ST7L: variants seen among roughly 807,000 people sequenced by gnomAD.
The protein encoded by ST7L is suppression of tumorigenicity 7 like.
A neutral mutation model predicts 72.5 loss-of-function variants in ST7L; 57 were observed. That is an observed-to-expected ratio of 0.79 (90% confidence interval 0.64 to 0.98). The LOEUF (loss-of-function observed/expected upper bound fraction) is 0.98. Among genes scored for constraint, ST7L ranks in the 50% least tolerant of loss-of-function variants. The pLI is 0.00. For missense variants in ST7L, 576 were observed against 672.2 expected (o/e 0.86, Z 1.58); for synonymous variants, 221 against 240.9 (o/e 0.92, Z 0.77).
intron 9 of ST7L, among the ~76,000 whole-genome samples, chr1:112,580,892 C>T (rs1664002288): frequency 6.6e-6 from 1 of 152,194 alleles, no homozygotes. Flanking sequence ...TGCACCACTG[C>T]ACTCCCGCCC....
chr1:112,540,306 C>T (rs904667968), intron 14 of ST7L: 2 of 985,292 alleles, frequency 2.0e-6, no homozygotes, highest in Admixed American at 6.2e-5. Flanking sequence ...CATTTTCTTT[C>T]CAGCTATTAA....
rs555634106 is a variant in ST7L at position 112,588,766 on chromosome 1, TTAA to T, written c.701+2756_701+2758del. Among the ~76,000 whole-genome samples the T allele has an allele frequency of 2.0e-3, 312 of 152,370 alleles. 1 individual carries two copies. The highest frequency in any genetic ancestry group is 3.4e-3 in the Non-Finnish European group (228 of 68,048). The stretch of plus-strand genomic sequence containing the variant: ...CACTTGGTCAGGGTGTATAACATTT[TTAA>T]TATGCTGCTGTATTTGGAGTGCTCT... On this transcript the variant is annotated intron_variant, in intron 6 of 14. Coordinates refer to ENST00000358039, the MANE Select transcript of ST7L (RefSeq NM_017744.5).
intron 13 of ST7L, among the ~76,000 whole-genome samples, chr1:112,547,459 CTGGG>C (rs1657281330): frequency 6.7e-6 from 1 of 150,326 alleles, no homozygotes; most frequent in African/African-American, 2.4e-5. Context: ...TCCCAAAGTT[CTGGG>C]ATTACAGGCG....
At position 112,591,530 on chromosome 1, in the gene ST7L, G is replaced by A. The variant is rs570894912; in HGVS notation, c.696C>T (p.Asn232=). The change falls in exon 6 of 15, where the codon AAC becomes AAT. Residue 232 remains asparagine (N), a synonymous_variant. Coordinates refer to ENST00000358039, the MANE Select transcript of ST7L (RefSeq NM_017744.5). ...TCCATATATTTCAAACTTACTCATTGTTTAATTCTAAAGCTTGATAGGCTG... is the reference window on the plus strand; with the variant it reads ...TCCATATATTTCAAACTTACTCATTATTTAATTCTAAAGCTTGATAGGCTG... ...IKAAYQALEL[N]NDCATAYVLL... is the part of the protein sequence containing the mutation. 4.2e-5 allele frequency: 67 copies of A among 1,608,372 alleles called. No individual in the cohort carries two copies. In the South Asian group the frequency reaches 6.3e-4, roughly 15 times the overall value.
rs1178326785 is a variant in ST7L, at chr1:112,582,400, C to T, written c.929G>A (p.Arg310Lys). The stretch of plus-strand genomic sequence containing the variant: ...ATCTCTCATTATTTTTACTGCTTCT[C>T]TTATTCTTCCTAATTTTCTTGCACA... ...AMCARKLGRI[R>K]EAVKIMRDLM... is the part of the protein sequence containing the mutation. Residue 310 changes from arginine to lysine, a missense_variant, in exon 8 of 15, where the codon AGA (arginine) becomes AAA (lysine). Physicochemically the swap from Arg to Lys is conservative, Grantham distance 26 (BLOSUM62 2). Transcript: ENST00000358039. The T allele has an allele frequency of 3.1e-6, 5 of 1,605,104 alleles. No individual in the cohort carries two copies. The highest frequency in any genetic ancestry group is 2.7e-5 in the African/African-American group (2 of 74,742).
At chr1:112,555,078 T>A (rs570889199) in intron 12 of ST7L, among the ~76,000 whole-genome samples, 143 of 152,272 alleles carry the variant, frequency 9.4e-4, no homozygotes, top group African/African-American at 3.2e-3. Flanking sequence ...TACAACACTA[T>A]GAATGTACAT....
chr1:112,574,475 CTG>C, intron 11 of ST7L, among the ~76,000 whole-genome samples: 1 of 150,986 alleles, frequency 6.6e-6, no homozygotes, highest in Non-Finnish European at 1.5e-5. Context: ...CTGGCTAACA[CTG>C]TGAAACCTCG....
intron 14 of ST7L, chr1:112,540,273 G>C (rs1206617555): frequency 5.1e-6 from 5 of 985,246 alleles, no homozygotes; most frequent in Non-Finnish European, 4.8e-6. Flanking sequence ...TTGCTTGCCT[G>C]TGATCTCACA....
In ST7L at chr1:112,573,910, GTTTTTTTTT is replaced by G. The variant is rs920123003; in HGVS notation, c.1245+3067_1245+3075del. ...CCCTGTCTTCGTTTTTTCTTTTCCT[GTTTTTTTTT>G]TTTTTTTTTTTTTGAGACGGAGTCT... On this transcript the variant is annotated intron_variant, in intron 11 of 14. Coordinates refer to ENST00000358039, the MANE Select transcript of ST7L (RefSeq NM_017744.5). 5.3e-4 allele frequency among the ~76,000 whole-genome samples: 49 copies of G among 91,858 alleles called. 1 individual carries two copies. The highest frequency in any genetic ancestry group is 5.1e-3 in the South Asian group (12 of 2,372). The allele number at this position is 91,858 out of a possible 152,430, so 60.3% of individuals were successfully genotyped here. A position where few individuals can be genotyped will look rare whatever the true frequency, so the allele number is the denominator to read the frequency against.
At chr1:112,581,868 C>T (rs760060021) in intron 9 of ST7L, 124 bp downstream of exon 9, 18 of 704,964 alleles carry the variant, frequency 2.6e-5, no homozygotes, top group Non-Finnish European at 3.8e-5. Flanking sequence ...ATAGCAACCT[C>T]TGAGTGCTAA....
intron 11 of ST7L, among the ~76,000 whole-genome samples, chr1:112,569,828 C>A (rs1034912215): frequency 1.3e-5 from 2 of 151,758 alleles, no homozygotes; most frequent in African/African-American, 4.8e-5. Flanking sequence ...CGTAGTGGCA[C>A]GCACCTGTAG....
chr1:112,542,530 G>A (rs1400335344), intron 13 of ST7L, among the ~76,000 whole-genome samples: 1 of 152,136 alleles, frequency 6.6e-6, no homozygotes, highest in African/African-American at 2.4e-5. Context: ...GGCCAAAGAG[G>A]AGGATCGCTT....
intron 11 of ST7L, among the ~76,000 whole-genome samples, chr1:112,575,014 G>A (rs1271760090): frequency 3.3e-5 from 5 of 152,096 alleles, no homozygotes; most frequent in African/African-American, 4.8e-5. Flanking sequence ...TGAGGCGGGC[G>A]GATCACAAGG....
chr1:112,613,629 A>T (rs1257696082), intron 2 of ST7L, among the ~76,000 whole-genome samples: 2 of 152,228 alleles, frequency 1.3e-5, no homozygotes, highest in East Asian at 3.8e-4. Context: ...AAGGGTAATA[A>T]TACAGTTTAA....
At position 112,534,103 on chromosome 1, in the gene ST7L, C is replaced by T. The variant is rs529901229; in HGVS notation, c.1629+7848G>A. On this transcript the variant is annotated intron_variant, in intron 14 of 14. Transcript: ENST00000358039. ...AGTAAACATTTCTCCAACCTAAGCA[C>T]CCTTTTTATTTTTCTGACAATCCAC... Among the ~76,000 whole-genome samples, 7 of 152,304 alleles carry T rather than the reference C, an allele frequency of 4.6e-5. No individual in the cohort carries two copies. The South Asian group carries it at 1.5e-3, about 32-fold the overall frequency.
At chr1:112,603,568 AGAC>A (rs772976365) in intron 3 of ST7L, among the ~76,000 whole-genome samples, 5 of 152,246 alleles carry the variant, frequency 3.3e-5, no homozygotes, top group Admixed American at 1.3e-4. Context: ...ATTTCACAAT[AGAC>A]AATGGAGAAT....
intron 11 of ST7L, among the ~76,000 whole-genome samples, chr1:112,557,193 A>G (rs1195663708): frequency 6.6e-6 from 1 of 152,144 alleles, no homozygotes; most frequent in East Asian, 1.9e-4. Context: ...AGTCAATTTT[A>G]GAACATTTTC....
At chr1:112,530,690 C>T (rs192388463) in intron 14 of ST7L, among the ~76,000 whole-genome samples, 66 of 152,292 alleles carry the variant, frequency 4.3e-4, no homozygotes, top group African/African-American at 1.5e-3. Flanking sequence ...GTTGGGATTA[C>T]AGGAGTGAGC....
intron 11 of ST7L, among the ~76,000 whole-genome samples, chr1:112,562,078 T>C (rs1433894558): frequency 6.6e-6 from 1 of 151,718 alleles, no homozygotes; most frequent in East Asian, 1.9e-4. Context: ...GCAATCCTCC[T>C]GCCTCAACCT....
Sources: allele counts gnomAD v4.1 joint callset (sites outside exome capture counted in the v4.1 genomes callset), GRCh38; gene constraint gnomAD v4.1.1; transcripts MANE v1.5; gene names NCBI Gene and HGNC (gene_info 2026-07-23, HGNC 2026-07-21).